Variants in P3H1 observed in about 807,000 individuals in gnomAD.
The protein encoded by P3H1 is growth suppressor 1.
Under a neutral mutation model 84.0 loss-of-function variants are expected in P3H1, and 69 were observed. That is an observed-to-expected ratio of 0.82 (90% CI 0.68 to 1.00). The LOEUF is 1.00. P3H1 is among the 50% of genes least tolerant of loss of function. The pLI is 0.00. For missense variants in P3H1, 878 were observed against 962.8 expected, an observed-to-expected ratio of 0.91 and a Z score of 1.17; for synonymous variants, 366 against 388.8, an observed-to-expected ratio of 0.94 and a Z score of 0.69.
chr1:42,752,895 G>A (rs567528554), intron 8 of P3H1, among the ~76,000 whole-genome samples: 1 of 152,264 alleles, frequency 6.6e-6, no homozygotes, highest in South Asian at 2.1e-4. Flanking sequence ...TGGCTTTTGG[G>A]CCATGACACA....
intron 1 of P3H1, among the ~76,000 whole-genome samples, chr1:42,764,458 G>C (rs1299467891): frequency 1.4e-5 from 2 of 147,194 alleles, no homozygotes; most frequent in African/African-American, 5.0e-5. Flanking sequence ...AGAAAGAAAA[G>C]AGACAGGCCA....
intron 5 of P3H1, among the ~76,000 whole-genome samples, chr1:42,756,964 C>T (rs1570470772): frequency 6.6e-6 from 1 of 152,224 alleles, no homozygotes; most frequent in East Asian, 1.9e-4. Context: ...GCCTGGACAG[C>T]GGCTCAACAA....
chr1:42,754,811 G>T lies in P3H1; in HGVS notation c.1345+58C>A. ...GTGGAGCGCTGCCTGGCAAATGTGG[G>T]GTGACCTGCCTGGCTCCCTGACAAC... On this transcript the variant is annotated intron_variant, in intron 8 of 14. Transcript: ENST00000296388. The surrounding 1 kb of genome is among the most constrained non-coding windows in gnomAD (Gnocchi z 4.0). 1 of 1,612,292 alleles carries T rather than the reference G, an allele frequency of 6.2e-7. No homozygotes were observed. The highest frequency in any genetic ancestry group is 8.5e-7 in the Non-Finnish European group (1 of 1,178,846).
Position 42,746,527 on chromosome 1 carries a change from T to C in P3H1, c.*170A>G, listed in dbSNP as rs1267383294. Reference sequence around the variant, plus strand: ...ATCCAGGGGGTGCGGTGTCTGGTCATGTCCACTCCAAGAGCAGTAGCACCA... The same window carrying C: ...ATCCAGGGGGTGCGGTGTCTGGTCACGTCCACTCCAAGAGCAGTAGCACCA... On this transcript the variant is annotated 3_prime_UTR_variant, in exon 15 of 15. Coordinates refer to ENST00000296388, the MANE Select transcript of P3H1 (RefSeq NM_022356.4). 1.4e-5 allele frequency: 9 copies of C among 641,004 alleles called. No individual in the cohort carries two copies. Among genetic ancestry groups the C allele is most frequent in the Non-Finnish European group, 1.9e-5 (7 of 362,058 alleles). 39.7% of individuals were successfully genotyped at this position (641,004 alleles called of 1,614,324 possible). A position where few individuals can be genotyped will look rare whatever the true frequency, so the allele number is the denominator to read the frequency against.
chr1:42,764,556 T>C (rs1652892347), intron 1 of P3H1, among the ~76,000 whole-genome samples: 1 of 151,962 alleles, frequency 6.6e-6, no homozygotes, highest in Non-Finnish European at 1.5e-5. Flanking sequence ...GTTTCCCTAA[T>C]CTATCATCTG....
intron 5 of P3H1, among the ~76,000 whole-genome samples, chr1:42,756,037 GT>G (rs1652385169): frequency 2.0e-5 from 3 of 152,122 alleles, no homozygotes; most frequent in Admixed American, 6.5e-5. Context: ...CAACTGACAT[GT>G]TATTCATTTG....
intron 10 of P3H1, among the ~76,000 whole-genome samples, 189 bp downstream of exon 10, chr1:42,752,085 C>T (rs1322411653): frequency 6.6e-6 from 1 of 152,204 alleles, no homozygotes; most frequent in Admixed American, 6.5e-5. Flanking sequence ...TTTGATTACA[C>T]TCGGTCTAAC....
At position 42,755,638 on chromosome 1, in the gene P3H1, C is replaced by CT. The variant is rs779297998; in HGVS notation, c.1081-2dup. The CT allele has an allele frequency of 6.8e-6, 11 of 1,613,008 alleles. No individual in the cohort carries two copies. The African/African-American group carries it at 1.5e-4, about 22-fold the overall frequency. ...TTCGCTGTCGGTACTCCTTGGCACTCTGAGGGTAAAAAAGCAAACAAATCC... is the reference window on the plus strand; with the variant it reads ...TTCGCTGTCGGTACTCCTTGGCACTCTTGAGGGTAAAAAAGCAAACAAATCC... On this transcript the variant is annotated splice_acceptor_variant, in intron 5 of 14. Coordinates refer to ENST00000296388, the MANE Select transcript of P3H1 (RefSeq NM_022356.4). LOFTEE classifies it high-confidence loss of function.
Position 42,748,276 on chromosome 1 carries a change from C to A in P3H1, c.1762G>T (p.Val588Leu). Reference sequence around the variant, plus strand: ...TCGGCATTCAGGATGCAGTTGTCCACGTGGACTGGATGACTATCATCCTTC... The same window carrying A: ...TCGGCATTCAGGATGCAGTTGTCCAAGTGGACTGGATGACTATCATCCTTC... ...ERKDDSHPVH[V>L]DNCILNAETL... The change falls in exon 12 of 15, where the codon GTG (valine) becomes TTG (leucine). Residue 588 changes from valine (V) to leucine (L), a missense_variant. Val to Leu is a conservative substitution (Grantham distance 32). Transcript: ENST00000296388. 1 of 1,614,064 alleles carries A rather than the reference C, an allele frequency of 6.2e-7. No homozygotes were observed.
intron 11 of P3H1, 75 bp downstream of exon 11, chr1:42,750,111 C>A: frequency 6.5e-7 from 1 of 1,537,610 alleles, no homozygotes; most frequent in South Asian, 1.2e-5. Flanking sequence ...CCTGTTCTCT[C>A]TGTGTCTTCA....
intron 2 of P3H1, chr1:42,761,611 C>T (rs1652723193): frequency 6.6e-6 from 1 of 152,204 alleles, no homozygotes; most frequent in Non-Finnish European, 1.5e-5. Flanking sequence ...TGGGGCTGGC[C>T]ATGGTGGCTC....
Position 42,757,870 on chromosome 1 carries a change from G to A in P3H1, c.993C>T (p.Phe331=), listed in dbSNP as rs1250792335. ...VECAKTYLLF[F]PNDEVMNQNL... is the part of the protein sequence containing the mutation. ...TTTGGTTCATCACCTCGTCATTGGG[G>A]AAGAAGAGAAGATAGGTCTTGGCAC... Residue 331 remains phenylalanine, a synonymous_variant, in exon 5 of 15, where the codon TTC becomes TTT. Transcript: ENST00000296388. 6 of 1,614,112 alleles carry A rather than the reference G, an allele frequency of 3.7e-6. No homozygotes were observed. The African/African-American group carries it at 5.3e-5, about 14-fold the overall frequency.
At chr1:42,765,743 C>G (rs1242340954) in intron 1 of P3H1, among the ~76,000 whole-genome samples, 1 of 151,986 alleles carries the variant, frequency 6.6e-6, no homozygotes, top group Non-Finnish European at 1.5e-5. Context: ...CTTTCTCCCC[C>G]CACCCCCAAT....
In P3H1 at chr1:42,766,871, G is replaced by A; in HGVS notation, c.101C>T (p.Thr34Met). The A allele has an allele frequency of 6.2e-7, 1 of 1,607,688 alleles. No individual in the cohort carries two copies. Among genetic ancestry groups the A allele is most frequent in the Admixed American group, 1.7e-5 (1 of 60,022 alleles). ...VESEAGWGMV[T>M]PDLLFAEGTA... The stretch of plus-strand genomic sequence containing the variant: ...CCCCTCGGCGAAGAGCAGATCAGGC[G>A]TCACCATGCCCCATCCTGCCTCGGA... Residue 34 changes from threonine to methionine, a missense_variant, in exon 1 of 15, where the codon ACG (threonine) becomes ATG (methionine). Thr to Met is a moderately conservative substitution (Grantham distance 81). Transcript: ENST00000296388.
chr1:42,747,283 G>A lies in P3H1; in HGVS notation c.2044C>T (p.His682Tyr). 6.2e-7 allele frequency: 1 copy of A among 1,614,042 alleles called. No individual in the cohort carries two copies. The highest frequency in any genetic ancestry group is 8.5e-7 in the Non-Finnish European group (1 of 1,180,002). Residue 682 changes from histidine to tyrosine, a missense_variant, in exon 14 of 15, where the codon CAC becomes TAC. Transcript: ENST00000296388. ...IALWFTLDPR[H>Y]SERDRVQADD... ...CGAGCTGCTCTCACCCGCTCGCTGT[G>A]TCGAGGGTCCAGGGTGAACCACAGG...
chr1:42,749,173 C>G (rs1651896365), intron 11 of P3H1, among the ~76,000 whole-genome samples: 1 of 152,242 alleles, frequency 6.6e-6, no homozygotes, highest in Non-Finnish European at 1.5e-5. Flanking sequence ...TTGATGAGGC[C>G]TCCCTGGCCT....
chr1:42,753,156 G>A (rs1190214034), intron 8 of P3H1, among the ~76,000 whole-genome samples: 1 of 152,166 alleles, frequency 6.6e-6, no homozygotes, highest in African/African-American at 2.4e-5. Context: ...TTTGGCATAT[G>A]GTAAGTCCTC....
Position 42,759,232 on chromosome 1 carries a change from C to T in P3H1, c.777G>A (p.Glu259=), listed in dbSNP as rs748314407. 1 of 1,614,170 alleles carries T rather than the reference C, an allele frequency of 6.2e-7. No homozygotes were observed. Among genetic ancestry groups the T allele is most frequent in the South Asian group, 1.1e-5 (1 of 91,074 alleles). The change falls in exon 3 of 15, where the codon GAG becomes GAA. Residue 259 remains glutamate, a synonymous_variant. Transcript: ENST00000296388. ...TGGCCTGGAAGAGGTCAGCGTTGTACTCAAGGTAGTTGTAGCCATCGTAGT... is the reference window on the plus strand; with the variant it reads ...TGGCCTGGAAGAGGTCAGCGTTGTATTCAAGGTAGTTGTAGCCATCGTAGT... ...PYDYDGYNYL[E]YNADLFQAIT...
At chr1:42,748,492 TC>T (rs1651858816) in intron 11 of P3H1, 175 bp from the exon 12 acceptor site, 4 of 668,448 alleles carry the variant, frequency 6.0e-6, no homozygotes, top group Admixed American at 4.1e-5. Flanking sequence ...TCTGCAGGCT[TC>T]CTAGGACAGT....
Sources: gnomAD v4.1 joint callset for allele counts (sites outside exome capture counted in the v4.1 genomes callset) on GRCh38, gnomAD v4.1.1 for gene constraint, Gnocchi (gnomAD v3.1) non-coding constraint, MANE v1.5 for transcripts, NCBI Gene and HGNC (gene_info 2026-07-23, HGNC 2026-07-21) for gene names.